Variants in PLIN3 observed in about 807,000 individuals in gnomAD.
PLIN3 encodes the protein perilipin 3.
A neutral mutation model predicts 35.9 loss-of-function variants in PLIN3; 30 were observed. The observed-to-expected ratio is 0.84, with a 90% CI of 0.62 to 1.13. The LOEUF is 1.13. Among genes scored for constraint, PLIN3 ranks in the 50% most tolerant of loss-of-function variants. The pLI is 0.00. For missense variants in PLIN3, 603 were observed against 596.9 expected (o/e 1.01, Z -0.11); for synonymous variants, 261 against 262.5 (o/e 0.99, Z 0.06).
chr19:4,860,120 G>C, intron 2 of PLIN3, 96 bp from the exon 3 acceptor site: 1 of 1,083,010 alleles, frequency 9.2e-7, no homozygotes, highest in Non-Finnish European at 1.4e-6. Flanking sequence ...CTTACTCCTG[G>C]CCAGTGAAAC....
At chr19:4,855,252 A>AAAT (rs370106598) in intron 4 of PLIN3, among the ~76,000 whole-genome samples, 11 of 113,872 alleles carry the variant, frequency 9.7e-5, no homozygotes, top group Non-Finnish European at 1.4e-4. Context: ...TCCATCTGAA[A>AAAT]AAAAAAAAAA....
At chr19:4,842,247 C>G (rs867190971) in intron 7 of PLIN3, among the ~76,000 whole-genome samples, 1 of 151,858 alleles carries the variant, frequency 6.6e-6, no homozygotes, top group Admixed American at 6.6e-5. Flanking sequence ...GCAAACATGA[C>G]AGAACCCTGT....
At chr19:4,850,190 C>T (rs964550621) in intron 5 of PLIN3, among the ~76,000 whole-genome samples, 5 of 151,746 alleles carry the variant, frequency 3.3e-5, no homozygotes, top group Non-Finnish European at 4.4e-5. Flanking sequence ...AACCTCCACC[C>T]GCCTCAGCCT....
intron 1 of PLIN3, among the ~76,000 whole-genome samples, chr19:4,865,229 C>T (rs2030809079): frequency 1.3e-5 from 2 of 151,864 alleles, no homozygotes; most frequent in African/African-American, 2.4e-5. Context: ...TAGCTCACGC[C>T]TGTAATCCCA....
chr19:4,862,076 C>G (rs952662197), intron 1 of PLIN3, among the ~76,000 whole-genome samples: 2 of 150,078 alleles, frequency 1.3e-5, no homozygotes, highest in African/African-American at 4.9e-5. Context: ...GTAACTAGGA[C>G]TATAGGCACA....
intron 7 of PLIN3, among the ~76,000 whole-genome samples, chr19:4,841,927 G>GA (rs34180755): frequency 8.5e-6 from 1 of 118,098 alleles, no homozygotes; most frequent in African/African-American, 3.2e-5. Flanking sequence ...AAAAAAAAAA[G>GA]AAAAAAAAAA....
chr19:4,863,964 G>A (rs911301825), intron 1 of PLIN3, among the ~76,000 whole-genome samples: 8 of 151,952 alleles, frequency 5.3e-5, no homozygotes, highest in East Asian at 1.9e-4. Flanking sequence ...ACGGATTTCC[G>A]CTCTGTCGCC....
chr19:4,858,711 T>TTTTG (rs2030562727), intron 4 of PLIN3, among the ~76,000 whole-genome samples: 1 of 124,976 alleles, frequency 8.0e-6, no homozygotes, highest in African/African-American at 3.0e-5. Flanking sequence ...GTTTTTTTTT[T>TTTTG]TTTTTTTGAG....
rs568907389 is a variant in PLIN3, at chr19:4,850,134, T to C, written c.634+1882A>G. On this transcript the variant is annotated intron_variant, in intron 5 of 7. Transcript: ENST00000221957. ...GCTAATTTTGTATTTTTAGTAGAGATAGGGTTTCTTTATGTTGGTCAGGCT... is the reference window on the plus strand; with the variant it reads ...GCTAATTTTGTATTTTTAGTAGAGACAGGGTTTCTTTATGTTGGTCAGGCT... Among the ~76,000 whole-genome samples the C allele has an allele frequency of 2.3e-4, 35 of 151,712 alleles. 1 individual carries two copies. In the South Asian group the frequency reaches 7.1e-3, roughly 31 times the overall value.
At position 4,839,441 on chromosome 19, in the gene PLIN3, G is replaced by T. The variant is rs1444077519; in HGVS notation, c.1056C>A (p.Pro352=). 6.3e-7 allele frequency: 1 copy of T among 1,597,944 alleles called. No homozygotes were observed. The highest frequency in any genetic ancestry group is 8.6e-7 in the Non-Finnish European group (1 of 1,168,648). The change falls in exon 8 of 8, where the codon CCC becomes CCA. Residue 352 remains proline (P), a synonymous_variant. Coordinates refer to ENST00000221957, the MANE Select transcript of PLIN3 (RefSeq NM_005817.5). ...TSLGSSIQGL[P]TNVKDQVQQA... is the part of the protein sequence containing the mutation. ...GCTGCACCTGGTCCTTCACATTGGT[G>T]GGGAGGCCCTGAATGCTGGACCCCA... is the stretch of plus-strand genomic sequence containing the variant.
At chr19:4,847,034 T>C (rs1283175524) in intron 6 of PLIN3, among the ~76,000 whole-genome samples, 1 of 151,218 alleles carries the variant, frequency 6.6e-6, no homozygotes, top group Non-Finnish European at 1.5e-5. Context: ...GGATTACAGG[T>C]GCCTGCCATT....
Position 4,852,001 on chromosome 19 carries a change from G to A in PLIN3, c.634+15C>T, listed in dbSNP as rs780217514. The A allele has an allele frequency of 6.8e-6, 11 of 1,606,540 alleles. No individual in the cohort carries two copies. Among genetic ancestry groups the A allele is most frequent in the East Asian group, 4.5e-5 (2 of 44,666 alleles). On this transcript the variant is annotated intron_variant, in intron 5 of 7. Transcript: ENST00000221957. ...CTGGGGAGGGGTCCCAGAGCAGCCCGCTGGCCACACTTACCCAGTTCGGCA... is the reference window on the plus strand; with the variant it reads ...CTGGGGAGGGGTCCCAGAGCAGCCCACTGGCCACACTTACCCAGTTCGGCA...
At chr19:4,862,226 G>A (rs1050572144) in intron 1 of PLIN3, among the ~76,000 whole-genome samples, 8 of 150,340 alleles carry the variant, frequency 5.3e-5, no homozygotes, top group Middle Eastern at 3.4e-3. Flanking sequence ...CACCTCCCAC[G>A]TTCAAGCAAT....
chr19:4,863,842 GAAAAC>G (rs1278298170), intron 1 of PLIN3, among the ~76,000 whole-genome samples: 632 of 139,872 alleles, frequency 4.5e-3, no homozygotes, highest in African/African-American at 0.014. Flanking sequence ...AAAAAAAAAA[GAAAAC>G]AAAACAAAAC....
chr19:4,861,257 C>T, intron 2 of PLIN3, 72 bp downstream of exon 2: 1 of 1,385,062 alleles, frequency 7.2e-7, no homozygotes, highest in Non-Finnish European at 1.0e-6. Context: ...TGCCAGGGCA[C>T]CCTGGGGTGG....
Position 4,860,005 on chromosome 19 carries a change from A to T in PLIN3, c.86T>A (p.Val29Glu), listed in dbSNP as rs1462157730. 2 of 1,613,986 alleles carry T rather than the reference A, an allele frequency of 1.2e-6. No homozygotes were observed. The highest frequency in any genetic ancestry group is 8.5e-7 in the Non-Finnish European group (1 of 1,180,050). Residue 29 changes from valine to glutamate, a missense_variant, in exon 3 of 8, where the codon GTG becomes GAG. Val to Glu is a moderately radical substitution (Grantham distance 121). Coordinates refer to ENST00000221957, the MANE Select transcript of PLIN3 (RefSeq NM_005817.5). ...PVQQPSVVDR[V>E]ASMPLISSTC... The stretch of plus-strand genomic sequence containing the variant: ...GGAGCTGATCAGAGGCATGCTGGCC[A>T]CACGGTCCACCACACTGGGCTACAG...
chr19:4,841,951 A>G (rs2146195380), intron 7 of PLIN3, among the ~76,000 whole-genome samples: 1 of 151,660 alleles, frequency 6.6e-6, no homozygotes, highest in African/African-American at 2.4e-5. Context: ...GTTAAAAAAC[A>G]AAAAGTGGAA....
intron 1 of PLIN3, among the ~76,000 whole-genome samples, chr19:4,864,836 C>CATAG (rs2030797328): frequency 6.6e-6 from 1 of 152,130 alleles, no homozygotes; most frequent in South Asian, 2.1e-4. Flanking sequence ...GCTCCACCTA[C>CATAG]GCTATGCTCC....
chr19:4,845,868 G>A (rs1328151832), intron 6 of PLIN3, among the ~76,000 whole-genome samples: 1 of 148,854 alleles, frequency 6.7e-6, no homozygotes, highest in Non-Finnish European at 1.5e-5. Flanking sequence ...AGCTTGCAGT[G>A]AGCAGAGACT....
Sources: allele counts gnomAD v4.1 joint callset (sites outside exome capture counted in the v4.1 genomes callset), GRCh38; gene constraint gnomAD v4.1.1; transcripts MANE v1.5; gene names NCBI Gene and HGNC (gene_info 2026-07-23, HGNC 2026-07-21).